MAGI2: variants seen among roughly 807,000 people sequenced by gnomAD.
The protein encoded by MAGI2 is membrane-associated guanylate kinase, WW and PDZ domain-containing protein 2.
A neutral mutation model predicts 133.3 loss-of-function variants in MAGI2; 35 were observed. That is an observed-to-expected ratio of 0.26 (90% CI 0.20 to 0.35). The LOEUF (loss-of-function observed/expected upper bound fraction) is 0.35, where lower values mean the gene tolerates loss of function less well. MAGI2 is among the 10% of genes least tolerant of loss of function. MAGI2 has a pLI of 1.00. For synonymous variants in MAGI2, 729 were observed against 710.6 expected, an observed-to-expected ratio of 1.03 and a Z score of -0.41; for missense variants, 1,636 against 1,863.4, an observed-to-expected ratio of 0.88 and a Z score of 2.25.
At chr7:78,846,920 T>A (rs1792666692) in intron 2 of MAGI2, among the ~76,000 whole-genome samples, 1 of 151,890 alleles carries the variant, frequency 6.6e-6, no homozygotes, top group Non-Finnish European at 1.5e-5. Context: ...GAAGAGGAGC[T>A]TAGCTAGCCT....
rs139680865 is a variant in MAGI2, at chr7:79,158,830, T to C, written c.302-151624A>G. 4.8e-3 allele frequency among the ~76,000 whole-genome samples: 724 copies of C among 152,212 alleles called. 31 individuals carry two copies. Among genetic ancestry groups the C allele is most frequent in the Admixed American group, 0.042 (642 of 15,264 alleles). On this transcript the variant is annotated intron_variant, in intron 1 of 21. Coordinates refer to ENST00000354212, the MANE Select transcript of MAGI2 (RefSeq NM_012301.4). Reference sequence around the variant, plus strand: ...ATGGAATAAATGCTTGAAACAAATGTCATAATTTAGAATCTAATTTTATTA... The same window carrying C: ...ATGGAATAAATGCTTGAAACAAATGCCATAATTTAGAATCTAATTTTATTA...
intron 21 of MAGI2, among the ~76,000 whole-genome samples, chr7:78,051,885 T>G (rs954013347): frequency 1.3e-5 from 1 of 78,778 alleles, no homozygotes; most frequent in African/African-American, 8.3e-5. Context: ...ATACCCAGCC[T>G]TTTTTTTTTT....
chr7:78,505,637 C>G (rs1314415811), intron 4 of MAGI2, among the ~76,000 whole-genome samples: 2 of 152,190 alleles, frequency 1.3e-5, no homozygotes, highest in Non-Finnish European at 2.9e-5. Flanking sequence ...ATGCACTCAA[C>G]TGGTGCCAGA....
At chr7:79,379,820 T>TC (rs1353223630) in intron 1 of MAGI2, among the ~76,000 whole-genome samples, 1 of 149,376 alleles carries the variant, frequency 6.7e-6, no homozygotes, top group Non-Finnish European at 1.5e-5. Flanking sequence ...TCATTATTTC[T>TC]CCCCCCAACT....
At chr7:78,403,270 G>A (rs1174597693) in intron 6 of MAGI2, among the ~76,000 whole-genome samples, 1 of 152,004 alleles carries the variant, frequency 6.6e-6, no homozygotes, top group African/African-American at 2.4e-5. Flanking sequence ...CTGTCCTTGC[G>A]ATACTTTGCT....
chr7:78,233,804 A>G (rs1007337914), intron 10 of MAGI2, among the ~76,000 whole-genome samples: 3 of 152,168 alleles, frequency 2.0e-5, no homozygotes, highest in African/African-American at 7.2e-5. Context: ...GAGCAAGGTG[A>G]AGTTAGTGTC....
intron 9 of MAGI2, among the ~76,000 whole-genome samples, chr7:78,313,207 G>A (rs915352740): frequency 6.6e-6 from 1 of 152,032 alleles, no homozygotes; most frequent in African/African-American, 2.4e-5. Flanking sequence ...GGGAGCATTA[G>A]AGTGTGGTGA....
At chr7:79,380,780 G>C (rs1843720322) in intron 1 of MAGI2, among the ~76,000 whole-genome samples, 1 of 151,780 alleles carries the variant, frequency 6.6e-6, no homozygotes, top group Non-Finnish European at 1.5e-5. Context: ...CTCAGATTAA[G>C]AGAGGTGGCT....
chr7:78,308,808 T>C (rs1798453068), intron 9 of MAGI2, among the ~76,000 whole-genome samples: 1 of 152,250 alleles, frequency 6.6e-6, no homozygotes, highest in Non-Finnish European at 1.5e-5. Flanking sequence ...TATGTGCTGT[T>C]ATTTTAGTAT....
intron 10 of MAGI2, among the ~76,000 whole-genome samples, chr7:78,246,756 G>T: frequency 6.6e-6 from 1 of 152,190 alleles, no homozygotes; most frequent in African/African-American, 2.4e-5. Flanking sequence ...TTGACGCTAT[G>T]TCGTATTGGC....
At chr7:78,427,683 A>G (rs2151423627) in intron 6 of MAGI2, among the ~76,000 whole-genome samples, 1 of 152,030 alleles carries the variant, frequency 6.6e-6, no homozygotes, top group African/African-American at 2.4e-5. Context: ...AACAGCCAGA[A>G]TATGAATTTG....
intron 2 of MAGI2, among the ~76,000 whole-genome samples, chr7:78,825,839 T>C (rs1461092017): frequency 2.0e-5 from 3 of 152,140 alleles, no homozygotes; most frequent in Non-Finnish European, 4.4e-5. Context: ...AACTGAAAAA[T>C]TGAGATGTCT....
chr7:79,075,650 C>T (rs145061527), intron 1 of MAGI2, among the ~76,000 whole-genome samples: 3 of 152,026 alleles, frequency 2.0e-5, no homozygotes, highest in Non-Finnish European at 4.4e-5. Flanking sequence ...GTAGTCCCAG[C>T]TACTCAGGAT....
chr7:78,892,312 A>G (rs1301731231), intron 2 of MAGI2, among the ~76,000 whole-genome samples: 1 of 152,178 alleles, frequency 6.6e-6, no homozygotes, highest in Non-Finnish European at 1.5e-5. Flanking sequence ...GCCCAAGGTA[A>G]TTTACAGATT....
At chr7:78,880,984 T>C (rs1795799170) in intron 2 of MAGI2, among the ~76,000 whole-genome samples, 1 of 152,156 alleles carries the variant, frequency 6.6e-6, no homozygotes, top group East Asian at 1.9e-4. Context: ...AAGGCCCTTA[T>C]ATAAAGATCA....
chr7:78,709,421 CT>C (rs1252769254), intron 2 of MAGI2, among the ~76,000 whole-genome samples: 3 of 152,122 alleles, frequency 2.0e-5, no homozygotes, highest in Non-Finnish European at 4.4e-5. Context: ...CTACATATCC[CT>C]CAATACTTAC....
chr7:79,222,337 T>C (rs1830502270), intron 1 of MAGI2, among the ~76,000 whole-genome samples: 1 of 152,084 alleles, frequency 6.6e-6, no homozygotes, highest in Non-Finnish European at 1.5e-5. Flanking sequence ...ATTTGGAAGT[T>C]CAGAATTGTT....
At chr7:78,257,168 G>GTT (rs1306717450) in intron 9 of MAGI2, among the ~76,000 whole-genome samples, 1 of 152,092 alleles carries the variant, frequency 6.6e-6, no homozygotes, top group African/African-American at 2.4e-5. Flanking sequence ...AGGGAGCTGG[G>GTT]TTGACACCTT....
At chr7:79,110,746 GT>G in intron 1 of MAGI2, among the ~76,000 whole-genome samples, 1 of 152,152 alleles carries the variant, frequency 6.6e-6, no homozygotes, top group Non-Finnish European at 1.5e-5. Context: ...TAATAATATA[GT>G]TTGGATATCA....
Sources: gnomAD v4.1 joint callset for allele counts (sites outside exome capture counted in the v4.1 genomes callset) on GRCh38, gnomAD v4.1.1 for gene constraint, MANE v1.5 for transcripts, NCBI Gene and HGNC (gene_info 2026-07-23, HGNC 2026-07-21) for gene names.